Variants in NR6A1 observed in about 807,000 individuals in gnomAD.
NR6A1 encodes retinoic acid receptor-related testis-associated receptor.
A neutral mutation model predicts 59.1 loss-of-function variants in NR6A1; 7 were observed. That is an observed-to-expected ratio of 0.12 (90% CI 0.07 to 0.22). The LOEUF is 0.22. Ranked by LOEUF, NR6A1 falls within the 10% of genes least tolerant of loss-of-function variation. NR6A1 has a pLI of 1.00. For synonymous variants in NR6A1, 243 were observed against 236.1 expected (o/e 1.03, Z -0.27); for missense variants, 468 against 611.6 (o/e 0.77, Z 2.48).
At chr9:124,569,064 G>A (rs1364398371) in intron 2 of NR6A1, among the ~76,000 whole-genome samples, 2 of 152,016 alleles carry the variant, frequency 1.3e-5, no homozygotes, top group African/African-American at 4.8e-5. Flanking sequence ...AGTGAGCCAA[G>A]ATCACGCCAC....
intron 2 of NR6A1, among the ~76,000 whole-genome samples, chr9:124,583,793 A>C (rs1834840996): frequency 6.6e-6 from 1 of 152,194 alleles, no homozygotes; most frequent in Non-Finnish European, 1.5e-5. Flanking sequence ...TGACTTCCTG[A>C]GTGAGGCCTA....
At chr9:124,598,586 C>T (rs1264785418) in intron 2 of NR6A1, 2 of 291,016 alleles carry the variant, frequency 6.9e-6, no homozygotes, top group Non-Finnish European at 1.3e-5. Context: ...CTTTATATAA[C>T]GGCCTTTTGT....
At chr9:124,708,933 T>C (rs901226966) in intron 2 of NR6A1, among the ~76,000 whole-genome samples, 5 of 152,198 alleles carry the variant, frequency 3.3e-5, no homozygotes, top group African/African-American at 1.2e-4. Context: ...ATCTGGTCAT[T>C]AGCATTCCAA....
At chr9:124,642,620 A>G (rs1300744909) in intron 2 of NR6A1, among the ~76,000 whole-genome samples, 3 of 152,212 alleles carry the variant, frequency 2.0e-5, no homozygotes, top group Non-Finnish European at 1.5e-5. Flanking sequence ...CATATTGCCA[A>G]ATCAACCCCA....
At chr9:124,676,590 CT>C (rs1429239756) in intron 2 of NR6A1, among the ~76,000 whole-genome samples, 1 of 152,118 alleles carries the variant, frequency 6.6e-6, no homozygotes, top group Non-Finnish European at 1.5e-5. Flanking sequence ...TTAAAGGCCA[CT>C]TAGTACAAGC....
rs776287206 is a variant in NR6A1 at position 124,540,093 on chromosome 9, G to C, written c.536C>G (p.Ser179Cys). The C allele has an allele frequency of 6.2e-7, 1 of 1,613,060 alleles. No homozygotes were observed. The highest frequency in any genetic ancestry group is 1.3e-5 in the African/African-American group (1 of 74,436). ...GCTCTCCGAAGCCCTGTTCCCAGGG[G>C]AACTGTGGTCACTATCACCATGGTT... ...WSNHGDSDHS[S>C]PGNRASESNQ... Residue 179 changes from serine to cysteine, a missense_variant, in exon 5 of 10, where the codon TCC (serine) becomes TGC (cysteine). Ser to Cys is a moderately radical substitution (Grantham distance 112, BLOSUM62 -1). This residue lies in a region of NR6A1 where 151 missense variants were observed against 142.8 expected (regional missense o/e 1.06). Transcript: ENST00000487099.
At chr9:124,578,465 T>C (rs1416289606) in intron 2 of NR6A1, among the ~76,000 whole-genome samples, 3 of 152,230 alleles carry the variant, frequency 2.0e-5, no homozygotes, top group Non-Finnish European at 4.4e-5. Context: ...AATACTAAAA[T>C]CTAGGAGTCA....
Position 124,732,695 on chromosome 9 carries a change from G to A in NR6A1, c.142+613C>T, listed in dbSNP as rs370489490. 5.3e-5 allele frequency among the ~76,000 whole-genome samples: 8 copies of A among 151,492 alleles called. No homozygotes were observed. The East Asian group carries it at 7.7e-4, about 15-fold the overall frequency. On this transcript the variant is annotated intron_variant, in intron 2 of 9. Transcript: ENST00000487099. ...TGTCCATGTGCATAAATGCAAGTAC[G>A]AATTTTTTTTTTTTTTTTGAGGTGG...
At chr9:124,752,130 A>G (rs547139949) in intron 1 of NR6A1, among the ~76,000 whole-genome samples, 2 of 152,288 alleles carry the variant, frequency 1.3e-5, no homozygotes, top group African/African-American at 4.8e-5. Context: ...TTAGCTGTGC[A>G]TGGTGGCATG....
intron 2 of NR6A1, among the ~76,000 whole-genome samples, chr9:124,719,007 C>G (rs191370534): frequency 1.3e-5 from 2 of 151,746 alleles, no homozygotes; most frequent in African/African-American, 4.8e-5. Flanking sequence ...ATTATAAATG[C>G]TAAAAGAAGC....
At chr9:124,663,346 G>A (rs977209231) in intron 2 of NR6A1, among the ~76,000 whole-genome samples, 1 of 152,134 alleles carries the variant, frequency 6.6e-6, no homozygotes, top group Non-Finnish European at 1.5e-5. Context: ...CTTAAATTCG[G>A]ATGCCATTCT....
chr9:124,526,837 C>T lies in NR6A1; in HGVS notation c.1143G>A (p.Gln381=), dbSNP rs1366922325. ...RLIYLYHKFH[Q]LKVSNEEYAC... The stretch of plus-strand genomic sequence containing the variant: ...CATACTCCTCGTTGCTGACCTTTAG[C>T]TGATGGAACTTGTGATAGAGGTAGA... Residue 381 remains glutamine, a synonymous_variant, in exon 8 of 10, where the codon CAG becomes CAA. Coordinates refer to ENST00000487099, the MANE Select transcript of NR6A1 (RefSeq NM_033334.4). 8.7e-6 allele frequency: 14 copies of T among 1,614,022 alleles called. No individual in the cohort carries two copies. Among genetic ancestry groups the T allele is most frequent in the Non-Finnish European group, 1.2e-5 (14 of 1,179,986 alleles).
At chr9:124,707,820 T>C (rs1439489953) in intron 2 of NR6A1, among the ~76,000 whole-genome samples, 3 of 152,218 alleles carry the variant, frequency 2.0e-5, no homozygotes, top group Non-Finnish European at 2.9e-5. Flanking sequence ...TATAGCTTCC[T>C]ACTCCATTAA....
chr9:124,671,125 T>C (rs1356379223), intron 2 of NR6A1, among the ~76,000 whole-genome samples: 5 of 151,892 alleles, frequency 3.3e-5, no homozygotes, highest in Admixed American at 3.3e-4. Context: ...GAAATGGGAG[T>C]TGTTTTAATG....
chr9:124,532,396 T>C (rs1432477638), intron 7 of NR6A1, among the ~76,000 whole-genome samples: 1 of 152,220 alleles, frequency 6.6e-6, no homozygotes, highest in African/African-American at 2.4e-5. Flanking sequence ...CCTTGGTCTA[T>C]GCTTGTACAG....
intron 2 of NR6A1, chr9:124,595,767 C>G: frequency 7.8e-7 from 1 of 1,288,462 alleles, no homozygotes; most frequent in South Asian, 1.2e-5. Context: ...GTCTCCATTT[C>G]ATGCTTCTTG....
intron 2 of NR6A1, among the ~76,000 whole-genome samples, chr9:124,556,564 A>C (rs1204631792): frequency 6.6e-6 from 1 of 151,444 alleles, no homozygotes; most frequent in African/African-American, 2.4e-5. Context: ...AGGTTCAAGC[A>C]ATTATCCTGC....
chr9:124,760,335 A>AAAAAT (rs1225049678), intron 1 of NR6A1, among the ~76,000 whole-genome samples: 1 of 151,930 alleles, frequency 6.6e-6, no homozygotes, highest in Non-Finnish European at 1.5e-5. Flanking sequence ...AAATAAAAAT[A>AAAAAT]AAAATAAAAT....
chr9:124,639,016 A>T (rs1210716606), intron 2 of NR6A1, among the ~76,000 whole-genome samples: 1 of 152,242 alleles, frequency 6.6e-6, no homozygotes, highest in Non-Finnish European at 1.5e-5. Context: ...AGAAAGTGCT[A>T]GAAGAGTAGC....
Sources: gnomAD v4.1 joint callset for allele counts (sites outside exome capture counted in the v4.1 genomes callset) on GRCh38, gnomAD v4.1.1 for gene constraint, gnomAD v4.1.1 regional missense constraint, MANE v1.5 for transcripts, NCBI Gene and HGNC (gene_info 2026-07-23, HGNC 2026-07-21) for gene names.